Variants in PTPRR observed in about 807,000 individuals in gnomAD.
PTPRR encodes the protein receptor-type tyrosine-protein phosphatase R.
A neutral mutation model predicts 77.2 loss-of-function variants in PTPRR; 38 were observed. The observed-to-expected ratio is 0.49, with a 90% CI of 0.38 to 0.65. The LOEUF (loss-of-function observed/expected upper bound fraction) is 0.65, where lower values mean the gene tolerates loss of function less well. Among genes scored for constraint, PTPRR ranks in the 30% least tolerant of loss-of-function variants. The pLI is 0.00. For missense variants in PTPRR, 744 were observed against 799.2 expected (o/e 0.93, Z 0.83); for synonymous variants, 299 against 283.1 (o/e 1.06, Z -0.57).
At chr12:70,774,991 C>T (rs190074290) in intron 2 of PTPRR, among the ~76,000 whole-genome samples, 99 of 152,202 alleles carry the variant, frequency 6.5e-4, no homozygotes, top group African/African-American at 2.3e-3. Flanking sequence ...CAACATTCTG[C>T]GATATATTTT....
At chr12:70,688,368 G>A (rs74394684) in intron 8 of PTPRR, among the ~76,000 whole-genome samples, 852 of 152,126 alleles carry the variant, frequency 5.6e-3, no homozygotes, top group Admixed American at 0.011. Context: ...GAAAATAATC[G>A]TATTAGAAAA....
intron 7 of PTPRR, among the ~76,000 whole-genome samples, chr12:70,698,927 G>A (rs1368233550): frequency 2.0e-5 from 3 of 151,942 alleles, no homozygotes; most frequent in Non-Finnish European, 2.9e-5. Context: ...TTTAGTGAAG[G>A]GCATTCAAAC....
intron 13 of PTPRR, among the ~76,000 whole-genome samples, chr12:70,641,094 G>A (rs1016501475): frequency 6.6e-6 from 1 of 152,158 alleles, no homozygotes; most frequent in Admixed American, 6.5e-5. Context: ...GATGACATCT[G>A]GGCTCATCTA....
At chr12:70,645,250 A>C (rs1886154350) in intron 13 of PTPRR, among the ~76,000 whole-genome samples, 1 of 152,200 alleles carries the variant, frequency 6.6e-6, no homozygotes, top group South Asian at 2.1e-4. Flanking sequence ...TCCATTGTTC[A>C]CAAAGAAGTT....
At position 70,701,280 on chromosome 12, in the gene PTPRR, C is replaced by T. The variant is rs547690138; in HGVS notation, c.1051G>A (p.Gly351Arg). The T allele has an allele frequency of 6.2e-7, 1 of 1,613,878 alleles. No individual in the cohort carries two copies. The highest frequency in any genetic ancestry group is 2.2e-5 in the East Asian group (1 of 44,880). Residue 351 changes from glycine (G) to arginine (R), a missense_variant, in exon 7 of 14, where the codon GGG (glycine) becomes AGG (arginine). Physicochemically the swap from Gly to Arg is moderately radical, Grantham distance 125. Transcript: ENST00000283228. The part of the protein sequence containing the change: ...VSLTLDMSSL[G>R]NIEPFVSIPT... Reference sequence around the variant, plus strand: ...ATAGACACAAAGGGTTCAATGTTCCCCAAGCTACTCATGTCCAATGTAAGA... The same window carrying T: ...ATAGACACAAAGGGTTCAATGTTCCTCAAGCTACTCATGTCCAATGTAAGA...
At chr12:70,649,203 GGGT>G (rs766651742) in intron 13 of PTPRR, among the ~76,000 whole-genome samples, 104 of 152,194 alleles carry the variant, frequency 6.8e-4, no homozygotes, top group Non-Finnish European at 1.1e-3. Flanking sequence ...GTAATTTTTG[GGGT>G]GGTGGTGGTG....
At chr12:70,735,251 A>C (rs1307640766) in intron 6 of PTPRR, among the ~76,000 whole-genome samples, 1 of 152,190 alleles carries the variant, frequency 6.6e-6, no homozygotes, top group Non-Finnish European at 1.5e-5. Context: ...CCGTTCTCAC[A>C]CTGCTAATAA....
intron 13 of PTPRR, among the ~76,000 whole-genome samples, chr12:70,652,535 G>A (rs1298948760): frequency 1.3e-5 from 2 of 152,182 alleles, no homozygotes. Context: ...TGCAGAAAGG[G>A]TCTTGATGAA....
intron 10 of PTPRR, among the ~76,000 whole-genome samples, chr12:70,665,364 CTTTTTTTTTTTTTTTTTTTTT>C (rs72472808): frequency 2.9e-3 from 131 of 44,632 alleles, no homozygotes; most frequent in African/African-American, 7.4e-3. Flanking sequence ...AATGCAAATT[CTTTTTTTTTTTTTTTTTTTTT>C]TTTTTTTTTT....
At chr12:70,695,994 A>C (rs2136767655) in intron 8 of PTPRR, among the ~76,000 whole-genome samples, 1 of 152,326 alleles carries the variant, frequency 6.6e-6, no homozygotes, top group African/African-American at 2.4e-5. Context: ...ATGAATATAA[A>C]GAATTTGGTG....
intron 2 of PTPRR, among the ~76,000 whole-genome samples, chr12:70,800,659 C>T (rs1252630667): frequency 1.3e-5 from 2 of 151,928 alleles, no homozygotes; most frequent in Non-Finnish European, 2.9e-5. Context: ...CTGTGGGAGG[C>T]GGAGGTGGGT....
chr12:70,839,801 C>A (rs1892365865), intron 2 of PTPRR, among the ~76,000 whole-genome samples: 1 of 152,132 alleles, frequency 6.6e-6, no homozygotes, highest in Admixed American at 6.5e-5. Flanking sequence ...CCTGTGGAGC[C>A]AGGATACTGG....
intron 2 of PTPRR, among the ~76,000 whole-genome samples, chr12:70,882,900 A>G (rs1159305144): frequency 6.6e-6 from 1 of 152,212 alleles, no homozygotes; most frequent in African/African-American, 2.4e-5. Context: ...TCACTAGGTG[A>G]CATGTAAGAG....
chr12:70,750,909 T>C (rs1890372125), intron 5 of PTPRR, among the ~76,000 whole-genome samples: 1 of 150,748 alleles, frequency 6.6e-6, no homozygotes, highest in Non-Finnish European at 1.5e-5. Flanking sequence ...TTAAACCCTT[T>C]TTTTTTTTTT....
intron 2 of PTPRR, among the ~76,000 whole-genome samples, chr12:70,800,266 C>CTTT (rs754416357): frequency 6.9e-6 from 1 of 144,744 alleles, no homozygotes. Context: ...ACTGTTCTCT[C>CTTT]TCTTTTTTTT....
At chr12:70,652,522 G>A (rs933873140) in intron 13 of PTPRR, among the ~76,000 whole-genome samples, 1 of 152,200 alleles carries the variant, frequency 6.6e-6, no homozygotes, top group African/African-American at 2.4e-5. Context: ...TGCTCAGAAA[G>A]AATGCAGAAA....
chr12:70,844,050 G>A (rs887299265), intron 2 of PTPRR, among the ~76,000 whole-genome samples: 3 of 151,720 alleles, frequency 2.0e-5, no homozygotes, highest in Non-Finnish European at 4.4e-5. Context: ...TCCTAACCGT[G>A]GGTGATCCAC....
intron 1 of PTPRR, among the ~76,000 whole-genome samples, chr12:70,908,408 A>T (rs1893653848): frequency 6.6e-6 from 1 of 152,200 alleles, no homozygotes; most frequent in African/African-American, 2.4e-5. Context: ...GGAAGGCCTC[A>T]GAAAACTTAC....
At chr12:70,728,052 T>C (rs998620489) in intron 6 of PTPRR, among the ~76,000 whole-genome samples, 4 of 151,632 alleles carry the variant, frequency 2.6e-5, no homozygotes, top group African/African-American at 7.3e-5. Flanking sequence ...TAGAGCATAA[T>C]TGAAAAGTAC....
Sources: gnomAD v4.1 joint callset for allele counts (sites outside exome capture counted in the v4.1 genomes callset) on GRCh38, gnomAD v4.1.1 for gene constraint, MANE v1.5 for transcripts, NCBI Gene and HGNC (gene_info 2026-07-23, HGNC 2026-07-21) for gene names.